The following DTNA variants were observed in gnomAD, a reference collection of about 807,000 sequenced individuals.
DTNA encodes dystrobrevin alpha, also known as dystrophin-related protein 3.
Under a neutral mutation model 100.7 loss-of-function variants are expected in DTNA, and 43 were observed. The ratio of observed to expected loss-of-function variants is 0.43; its 90% CI spans 0.33 to 0.55. The LOEUF is 0.55. DTNA is among the 20% of genes least tolerant of loss of function. The probability of loss-of-function intolerance (pLI) is 0.04; values close to 1 mark genes in which losing one functional copy is unlikely to be tolerated. For synonymous variants in DTNA, 349 were observed against 347.9 expected, an observed-to-expected ratio of 1.00 and a Z score of -0.04; for missense variants, 798 against 953.9, an observed-to-expected ratio of 0.84 and a Z score of 2.15.
chr18:34,531,579 A>G (rs940333303), intron 1 of DTNA, among the ~76,000 whole-genome samples: 9 of 152,112 alleles, frequency 5.9e-5, no homozygotes, highest in Non-Finnish European at 1.0e-4. Context: ...ATTGGGCTAC[A>G]TTCTATGTAA....
chr18:34,605,976 A>T (rs1432761727), intron 1 of DTNA, among the ~76,000 whole-genome samples: 1 of 152,156 alleles, frequency 6.6e-6, no homozygotes, highest in Non-Finnish European at 1.5e-5. Context: ...ATAAACATCT[A>T]TTCTCCTATA....
intron 1 of DTNA, among the ~76,000 whole-genome samples, chr18:34,528,704 T>C (rs1360746896): frequency 1.3e-5 from 2 of 151,134 alleles, no homozygotes; most frequent in African/African-American, 4.9e-5. Flanking sequence ...CTTTCCTTCA[T>C]TTTTTTTTAC....
intron 1 of DTNA, among the ~76,000 whole-genome samples, chr18:34,586,092 T>C (rs2049105153): frequency 6.6e-6 from 1 of 152,202 alleles, no homozygotes; most frequent in Admixed American, 6.5e-5. Flanking sequence ...TGCTTTGTCA[T>C]TGTTATGTTT....
chr18:34,786,796 C>T (rs9956218), intron 3 of DTNA, among the ~76,000 whole-genome samples: 21,456 of 152,134 alleles, frequency 0.14, 1,600 homozygotes, highest in African/African-American at 0.17. Context: ...AAGCCTCAAA[C>T]CCTTCTAAAA....
chr18:34,674,591 G>A (rs55656058), intron 1 of DTNA, among the ~76,000 whole-genome samples: 8,254 of 152,192 alleles, frequency 0.054, 287 homozygotes, highest in Non-Finnish European at 0.075. Context: ...AAGCCACTTT[G>A]ACGTTCTTAG....
intron 1 of DTNA, among the ~76,000 whole-genome samples, chr18:34,656,297 A>G (rs1348520466): frequency 2.6e-5 from 4 of 152,244 alleles, no homozygotes; most frequent in Non-Finnish European, 5.9e-5. Flanking sequence ...TAAGCCACTC[A>G]TGAAAGTGAT....
chr18:34,725,413 C>A (rs1279188525), intron 1 of DTNA, among the ~76,000 whole-genome samples: 33 of 146,840 alleles, frequency 2.2e-4, no homozygotes, highest in Middle Eastern at 3.5e-3. Context: ...AAAAAAAAAA[C>A]AACCCCATCA....
chr18:34,770,274 C>T lies in DTNA; in HGVS notation c.148+4233C>T, dbSNP rs7234843. Among the ~76,000 whole-genome samples the T allele has an allele frequency of 8.5e-3, 1,292 of 152,004 alleles. 10 individuals are homozygous for T. The highest frequency in any genetic ancestry group is 0.03 in the African/African-American group (1,254 of 41,446). ...TCCATACCTTATTTAAAATTTATTG[C>T]GTATACTAACAAAACTAAGTTTTAA... On this transcript the variant is annotated intron_variant, in intron 3 of 22. Coordinates refer to ENST00000444659, the MANE Select transcript of DTNA (RefSeq NM_001386795.1).
chr18:34,588,779 T>C (rs893474885), intron 1 of DTNA, among the ~76,000 whole-genome samples: 4 of 151,858 alleles, frequency 2.6e-5, no homozygotes, highest in Non-Finnish European at 5.9e-5. Context: ...TCATAAAGGA[T>C]CCACAATCAT....
At chr18:34,637,701 A>G (rs1418736647) in intron 1 of DTNA, among the ~76,000 whole-genome samples, 2 of 152,198 alleles carry the variant, frequency 1.3e-5, no homozygotes, top group African/African-American at 4.8e-5. Flanking sequence ...TCTCAGAGGT[A>G]CATTTGTATT....
intron 3 of DTNA, among the ~76,000 whole-genome samples, chr18:34,766,917 GT>G (rs888665650): frequency 8.0e-5 from 12 of 150,208 alleles, no homozygotes; most frequent in African/African-American, 2.2e-4. Flanking sequence ...ACTTGCTCCA[GT>G]TTTTTTTTCA....
chr18:34,805,009 T>C (rs2095325035), intron 4 of DTNA, among the ~76,000 whole-genome samples: 2 of 152,214 alleles, frequency 1.3e-5, no homozygotes. Flanking sequence ...AAATTATTTA[T>C]TCCATGTACT....
chr18:34,851,693 G>A, intron 14 of DTNA, 138 bp from the exon 15 acceptor site: 1 of 994,726 alleles, frequency 1.0e-6, no homozygotes, highest in Non-Finnish European at 1.5e-6. Context: ...AATGGCAATT[G>A]AATTTTATGT....
At chr18:34,662,837 T>C (rs1324640583) in intron 1 of DTNA, 1 of 152,206 alleles carries the variant, frequency 6.6e-6, no homozygotes, top group Non-Finnish European at 1.5e-5. Context: ...AACCTTAATA[T>C]ATGCCCTTCC....
chr18:34,684,015 C>G (rs2078503107), intron 1 of DTNA, among the ~76,000 whole-genome samples: 1 of 151,970 alleles, frequency 6.6e-6, no homozygotes. Context: ...TATGATGTTG[C>G]CTGTAGGGTC....
At chr18:34,654,728 A>AAAT (rs1212644257) in intron 1 of DTNA, among the ~76,000 whole-genome samples, 2 of 151,724 alleles carry the variant, frequency 1.3e-5, no homozygotes, top group Non-Finnish European at 2.9e-5. Context: ...TAAAATCTGT[A>AAAT]AATAATTTTT....
chr18:34,526,960 T>A (rs1266200919), intron 1 of DTNA, among the ~76,000 whole-genome samples: 3 of 152,142 alleles, frequency 2.0e-5, no homozygotes, highest in Admixed American at 1.3e-4. Flanking sequence ...GTTCCACTAC[T>A]AAGGAACAGA....
chr18:34,832,843 T>A (rs963397967), intron 11 of DTNA, among the ~76,000 whole-genome samples: 3 of 152,218 alleles, frequency 2.0e-5, no homozygotes, highest in African/African-American at 7.2e-5. Context: ...TTTATTATAT[T>A]TAAGTTAGTG....
At chr18:34,755,766 C>T in intron 1 of DTNA, 1 of 532,218 alleles carries the variant, frequency 1.9e-6, no homozygotes, top group Non-Finnish European at 3.4e-6. Flanking sequence ...ATTTTATCCC[C>T]CCTCCAACAA....
Sources: allele counts gnomAD v4.1 joint callset (sites outside exome capture counted in the v4.1 genomes callset), GRCh38; gene constraint gnomAD v4.1.1; transcripts MANE v1.5; gene names NCBI Gene and HGNC (gene_info 2026-07-23, HGNC 2026-07-21).